Variants in CCDC6 observed in about 807,000 individuals in gnomAD.
The protein encoded by CCDC6 is coiled-coil domain-containing protein 6.
In CCDC6, 20 loss-of-function variants were observed where a neutral mutation model predicts 56.6. The observed-to-expected ratio is 0.35, with a 90% CI of 0.25 to 0.51. The LOEUF is 0.51. Ranked by LOEUF, CCDC6 falls within the 20% of genes least tolerant of loss-of-function variation. CCDC6 has a pLI of 0.95. For missense variants in CCDC6, 367 were observed against 601.1 expected (o/e 0.61, Z 4.07); for synonymous variants, 241 against 234.4 (o/e 1.03, Z -0.26).
intron 1 of CCDC6, among the ~76,000 whole-genome samples, chr10:59,868,776 G>A (rs574357145): frequency 1.3e-5 from 2 of 152,040 alleles, no homozygotes; most frequent in African/African-American, 4.8e-5. Flanking sequence ...AAAAACCCTC[G>A]GCTCCAATGA....
chr10:59,822,300 G>A (rs368097198), intron 3 of CCDC6, among the ~76,000 whole-genome samples: 1 of 152,226 alleles, frequency 6.6e-6, no homozygotes, highest in East Asian at 1.9e-4. Flanking sequence ...TGCTTTCAAT[G>A]AGAAATAACT....
chr10:59,890,518 T>A (rs928925745), intron 1 of CCDC6, among the ~76,000 whole-genome samples: 1 of 152,046 alleles, frequency 6.6e-6, no homozygotes, highest in Non-Finnish European at 1.5e-5. Context: ...ATCATTGAAT[T>A]GAGAAGGAAA....
At chr10:59,820,489 A>G (rs559223447) in intron 3 of CCDC6, among the ~76,000 whole-genome samples, 1 of 152,338 alleles carries the variant, frequency 6.6e-6, no homozygotes, top group South Asian at 2.1e-4. Context: ...GTAATAAAGA[A>G]AAGGTAAAGC....
At chr10:59,876,358 A>AT (rs992719163) in intron 1 of CCDC6, among the ~76,000 whole-genome samples, 6 of 151,750 alleles carry the variant, frequency 4.0e-5, no homozygotes, top group Non-Finnish European at 7.4e-5. Context: ...CTCACATATC[A>AT]TTTTTTTAAA....
intron 1 of CCDC6, among the ~76,000 whole-genome samples, chr10:59,866,898 A>G (rs906420337): frequency 1.3e-5 from 2 of 152,224 alleles, no homozygotes; most frequent in African/African-American, 4.8e-5. Flanking sequence ...CTTCAGAATG[A>G]CAAGCCCTGT....
intron 1 of CCDC6, among the ~76,000 whole-genome samples, chr10:59,873,710 T>C (rs1184551182): frequency 1.3e-5 from 2 of 152,216 alleles, no homozygotes; most frequent in Non-Finnish European, 2.9e-5. Context: ...AGTATTTTAA[T>C]ATGCCACTTT....
rs542462141 is a variant in CCDC6, at chr10:59,880,047, A to G, written c.303+26075T>C. On this transcript the variant is annotated intron_variant, in intron 1 of 8. Transcript: ENST00000263102. Reference sequence around the variant, plus strand: ...TATTGCATAGAAGCATGCTACATCTATAAGAGAAAATGTCTCTGGCAGAGG... The same window carrying G: ...TATTGCATAGAAGCATGCTACATCTGTAAGAGAAAATGTCTCTGGCAGAGG... Among the ~76,000 whole-genome samples the G allele has an allele frequency of 2.6e-5, 4 of 152,334 alleles. No homozygotes were observed. The East Asian group carries it at 5.8e-4, about 22-fold the overall frequency.
intron 5 of CCDC6, 40 bp downstream of exon 5, chr10:59,812,594 AT>A (rs1564739798): frequency 6.9e-7 from 1 of 1,456,810 alleles, no homozygotes; most frequent in Admixed American, 2.0e-5. Flanking sequence ...AAAGTTATTA[AT>A]TCTACAGGCA....
chr10:59,828,151 C>T (rs1054630889), intron 3 of CCDC6, among the ~76,000 whole-genome samples: 1 of 152,102 alleles, frequency 6.6e-6, no homozygotes. Context: ...TTCCAAGTTC[C>T]AAATGTTCTT....
intron 2 of CCDC6, among the ~76,000 whole-genome samples, chr10:59,851,029 T>C (rs185042944): frequency 2.3e-4 from 34 of 146,238 alleles, no homozygotes; most frequent in African/African-American, 8.3e-4. Context: ...ATACAATCAC[T>C]CATACTGGAG....
intron 1 of CCDC6, among the ~76,000 whole-genome samples, chr10:59,859,477 A>C (rs1373839924): frequency 6.6e-6 from 1 of 152,200 alleles, no homozygotes; most frequent in Non-Finnish European, 1.5e-5. Context: ...CTAACACAAA[A>C]GATCAGGCAG....
intron 1 of CCDC6, among the ~76,000 whole-genome samples, chr10:59,867,045 C>T (rs1366606625): frequency 2.0e-5 from 3 of 152,196 alleles, no homozygotes; most frequent in East Asian, 3.8e-4. Context: ...ATGGCATACA[C>T]GCCATACATA....
At chr10:59,831,541 C>G (rs962081781) in intron 3 of CCDC6, among the ~76,000 whole-genome samples, 1 of 152,146 alleles carries the variant, frequency 6.6e-6, no homozygotes, top group Non-Finnish European at 1.5e-5. Context: ...TGAGATAAAT[C>G]AGACAACTTT....
chr10:59,837,558 A>T (rs939596744), intron 2 of CCDC6, among the ~76,000 whole-genome samples: 14 of 152,084 alleles, frequency 9.2e-5, no homozygotes, highest in African/African-American at 3.4e-4. Flanking sequence ...AGCCTGGCTA[A>T]CATGGTGAAA....
At chr10:59,845,618 T>G (rs563326118) in intron 2 of CCDC6, among the ~76,000 whole-genome samples, 1 of 152,206 alleles carries the variant, frequency 6.6e-6, no homozygotes, top group African/African-American at 2.4e-5. Context: ...TTTGTAGGCA[T>G]ACTGTGAATG....
At chr10:59,879,167 C>T (rs1284204138) in intron 1 of CCDC6, among the ~76,000 whole-genome samples, 1 of 152,128 alleles carries the variant, frequency 6.6e-6, no homozygotes. Flanking sequence ...TTACCTAAAA[C>T]CTTCAAAAGC....
chr10:59,884,649 G>GAA lies in CCDC6; in HGVS notation c.303+21471_303+21472dup, dbSNP rs5785416. 3.5e-4 allele frequency among the ~76,000 whole-genome samples: 53 copies of GAA among 150,402 alleles called. 1 individual carries two copies. The East Asian group carries it at 5.5e-3, about 16-fold the overall frequency. On this transcript the variant is annotated intron_variant, in intron 1 of 8. Coordinates refer to ENST00000263102, the MANE Select transcript of CCDC6 (RefSeq NM_005436.5). Reference sequence around the variant, plus strand: ...TAAAACTCATGAGATGTGTAAAGTAGAAAAAAAAAATCAAGATATAGAACA... The same window carrying GAA: ...TAAAACTCATGAGATGTGTAAAGTAGAAAAAAAAAAAATCAAGATATAGAACA...
chr10:59,860,316 T>C (rs541359582), intron 1 of CCDC6, among the ~76,000 whole-genome samples: 15 of 152,268 alleles, frequency 9.9e-5, no homozygotes, highest in Middle Eastern at 3.4e-3. Context: ...TCAAGGCAGT[T>C]TGACTACCAG....
chr10:59,840,636 G>A (rs2070930121), intron 2 of CCDC6, among the ~76,000 whole-genome samples: 1 of 152,174 alleles, frequency 6.6e-6, no homozygotes, highest in Admixed American at 6.5e-5. Flanking sequence ...CCATATGGAA[G>A]CCCAGACATT....
Sources: allele counts gnomAD v4.1 joint callset (sites outside exome capture counted in the v4.1 genomes callset), GRCh38; gene constraint gnomAD v4.1.1; transcripts MANE v1.5; gene names NCBI Gene and HGNC (gene_info 2026-07-23, HGNC 2026-07-21).